The following PLCE1 variants were observed in gnomAD, a reference collection of about 807,000 sequenced individuals.
PLCE1 encodes phospholipase C epsilon 1.
Under a neutral mutation model 242.8 loss-of-function variants are expected in PLCE1, and 119 were observed. That is an observed-to-expected ratio of 0.49 (90% CI 0.42 to 0.57). The LOEUF is 0.57. Among genes scored for constraint, PLCE1 ranks in the 20% least tolerant of loss-of-function variants. The pLI, the probability that PLCE1 is intolerant of heterozygous loss-of-function variation, is 0.00. For missense variants in PLCE1, 2,441 were observed against 2,788.8 expected, an observed-to-expected ratio of 0.88 and a Z score of 2.81; for synonymous variants, 945 against 1,017.4, an observed-to-expected ratio of 0.93 and a Z score of 1.35.
Position 94,132,368 on chromosome 10 carries a change from C to T in PLCE1, c.1401C>T (p.Thr467=), listed in dbSNP as rs751961317. The change falls in exon 3 of 33, where the codon ACC becomes ACT. Residue 467 remains threonine, a synonymous_variant. Coordinates refer to ENST00000371380, the MANE Select transcript of PLCE1 (RefSeq NM_016341.4). The part of the protein sequence containing the change: ...LQRTSISQYI[T]GSLLEATTSL... ...GGACTTCAATATCGCAGTACATCACCGGTTCTCTCCTAGAAGCAACCACGT... is the reference window on the plus strand; with the variant it reads ...GGACTTCAATATCGCAGTACATCACTGGTTCTCTCCTAGAAGCAACCACGT... 19 of 1,614,010 alleles carry T rather than the reference C, an allele frequency of 1.2e-5. No homozygotes were observed. In the East Asian group the frequency reaches 2.9e-4, roughly 25 times the overall value.
intron 1 of PLCE1, among the ~76,000 whole-genome samples, chr10:94,022,497 A>C (rs2061390453): frequency 1.3e-5 from 2 of 151,948 alleles, no homozygotes; most frequent in Non-Finnish European, 2.9e-5. Context: ...ATGTAAATCC[A>C]TGTAGAGAGA....
At chr10:94,184,062 A>T (rs1267219020) in intron 4 of PLCE1, among the ~76,000 whole-genome samples, 1 of 152,156 alleles carries the variant, frequency 6.6e-6, no homozygotes, top group Non-Finnish European at 1.5e-5. Flanking sequence ...CTTGCAAAAT[A>T]CCCCCTGAAT....
chr10:94,144,661 T>C (rs942496063), intron 3 of PLCE1, among the ~76,000 whole-genome samples: 3 of 152,080 alleles, frequency 2.0e-5, no homozygotes, highest in Non-Finnish European at 4.4e-5. Flanking sequence ...AAATCAATGG[T>C]AACTAGAGAA....
At chr10:94,168,488 G>A (rs1590171617) in intron 3 of PLCE1, among the ~76,000 whole-genome samples, 4 of 152,154 alleles carry the variant, frequency 2.6e-5, no homozygotes, top group Admixed American at 2.6e-4. Flanking sequence ...TGAGTGTGAT[G>A]TCATGCTTAT....
intron 31 of PLCE1, 112 bp from the exon 32 acceptor site, chr10:94,324,780 A>G (rs2053948384): frequency 2.2e-5 from 25 of 1,138,156 alleles, no homozygotes; most frequent in Non-Finnish European, 3.1e-5. Context: ...CCTCAGCCCT[A>G]CTCTCTCCAA....
intron 16 of PLCE1, among the ~76,000 whole-genome samples, chr10:94,266,899 C>T (rs140905819): frequency 1.5e-3 from 225 of 152,264 alleles, no homozygotes; most frequent in Middle Eastern, 6.8e-3. Context: ...AAGATGTGTT[C>T]TTAGAGCAGT....
At chr10:94,232,666 T>A (rs1230581112) in intron 5 of PLCE1, among the ~76,000 whole-genome samples, 1 of 152,146 alleles carries the variant, frequency 6.6e-6, no homozygotes, top group Admixed American at 6.5e-5. Flanking sequence ...CCTCACCCCC[T>A]GGGGTCCTGT....
At chr10:94,185,126 C>A (rs2048433753) in intron 4 of PLCE1, among the ~76,000 whole-genome samples, 2 of 152,200 alleles carry the variant, frequency 1.3e-5, no homozygotes, top group South Asian at 4.1e-4. Context: ...CAATGCCAGG[C>A]ATGAACTATT....
Position 94,084,993 on chromosome 10 carries a change from A to C in PLCE1, c.1207-47181A>C, listed in dbSNP as rs74151023. On this transcript the variant is annotated intron_variant, in intron 2 of 32. Transcript: ENST00000371380. The stretch of plus-strand genomic sequence containing the variant: ...GACATAGTAAATAAATGCAGAAATG[A>C]ATGAATACCCCTCCTCACTGTCAGC... 2.1e-3 allele frequency among the ~76,000 whole-genome samples: 326 copies of C among 152,302 alleles called. 3 individuals are homozygous for C. Among genetic ancestry groups the C allele is most frequent in the African/African-American group, 6.9e-3 (287 of 41,552 alleles).
At chr10:94,039,928 A>G (rs1205335417) in intron 2 of PLCE1, among the ~76,000 whole-genome samples, 1 of 152,202 alleles carries the variant, frequency 6.6e-6, no homozygotes, top group East Asian at 1.9e-4. Context: ...ATATAAGTTC[A>G]TTATCAGATA....
Position 94,262,622 on chromosome 10 carries a change from G to A in PLCE1, c.3943G>A (p.Glu1315Lys), listed in dbSNP as rs759264327. Reference sequence around the variant, plus strand: ...CATTGTGACAAATGGCACTGGGATTGAGAGCACATCTCTGGGCATTTTTGG... The same window carrying A: ...CATTGTGACAAATGGCACTGGGATTAAGAGCACATCTCTGGGCATTTTTGG... ...ASIVTNGTGI[E>K]STSLGIFGVG... The change falls in exon 14 of 33, where the codon GAG becomes AAG. Residue 1315 changes from glutamate to lysine, a missense_variant. Around this residue, in one of 5 missense-constraint regions of PLCE1, gnomAD observed 1,004 missense variants for 1,322.7 expected, o/e 0.76. Coordinates refer to ENST00000371380, the MANE Select transcript of PLCE1 (RefSeq NM_016341.4). 1 of 1,613,928 alleles carries A rather than the reference G, an allele frequency of 6.2e-7. No individual in the cohort carries two copies.
At chr10:94,191,669 A>G (rs937903921) in intron 4 of PLCE1, among the ~76,000 whole-genome samples, 3 of 152,118 alleles carry the variant, frequency 2.0e-5, no homozygotes, top group Admixed American at 6.5e-5. Context: ...ATAAGGAAAA[A>G]AAGAAACTTG....
chr10:94,297,586 T>G (rs1473189778), intron 23 of PLCE1, among the ~76,000 whole-genome samples: 1 of 76,038 alleles, frequency 1.3e-5, no homozygotes, highest in Non-Finnish European at 2.4e-5. Flanking sequence ...AAACTTTAAA[T>G]TTGTAAAAAA....
intron 2 of PLCE1, chr10:94,109,154 C>G (rs765796264): frequency 1.3e-5 from 2 of 152,162 alleles, no homozygotes; most frequent in Non-Finnish European, 2.9e-5. Flanking sequence ...CCCTGTGAAT[C>G]TGGGAGCAGG....
chr10:94,123,889 G>C (rs2135803764), intron 2 of PLCE1, among the ~76,000 whole-genome samples: 1 of 152,196 alleles, frequency 6.6e-6, no homozygotes, highest in East Asian at 1.9e-4. Flanking sequence ...TGTTTTTCTA[G>C]CTCAGGGCAC....
intron 22 of PLCE1, among the ~76,000 whole-genome samples, chr10:94,289,015 C>T (rs1181845751): frequency 1.3e-5 from 2 of 152,126 alleles, no homozygotes; most frequent in Non-Finnish European, 2.9e-5. Context: ...TTCTGGGTTA[C>T]TCAGACCCAC....
chr10:94,238,744 A>T (rs866149210), intron 7 of PLCE1, among the ~76,000 whole-genome samples: 1 of 152,216 alleles, frequency 6.6e-6, no homozygotes, highest in Non-Finnish European at 1.5e-5. Flanking sequence ...AGGAGTATGA[A>T]GGTGTGTAGA....
chr10:94,307,510 G>A (rs1302277755), intron 26 of PLCE1, among the ~76,000 whole-genome samples: 1 of 152,172 alleles, frequency 6.6e-6, no homozygotes, highest in African/African-American at 2.4e-5. Flanking sequence ...GTCTGCTCAG[G>A]CTGCCATCAT....
At chr10:94,214,793 C>T (rs904258784) in intron 4 of PLCE1, among the ~76,000 whole-genome samples, 7 of 152,154 alleles carry the variant, frequency 4.6e-5, no homozygotes, top group African/African-American at 9.7e-5. Flanking sequence ...CACACCTGCC[C>T]GAGGACCAAG....
Sources: gnomAD v4.1 joint callset for allele counts (sites outside exome capture counted in the v4.1 genomes callset) on GRCh38, gnomAD v4.1.1 for gene constraint, gnomAD v4.1.1 regional missense constraint, MANE v1.5 for transcripts, NCBI Gene and HGNC (gene_info 2026-07-23, HGNC 2026-07-21) for gene names.